The following NRTN variants were observed in gnomAD, a reference collection of about 807,000 sequenced individuals.
The protein encoded by NRTN is prepro-neurturin.
A neutral mutation model predicts 7.5 loss-of-function variants in NRTN; 3 were observed. The observed-to-expected ratio is 0.40, with a 90% confidence interval of 0.18 to 1.03. The LOEUF (loss-of-function observed/expected upper bound fraction) is 1.03. Ranked by LOEUF, NRTN falls within the 50% of genes least tolerant of loss-of-function variation. The pLI is 0.34. For missense variants in NRTN, 310 were observed against 307.0 expected (o/e 1.01, Z -0.07); for synonymous variants, 157 against 146.6 (o/e 1.07, Z -0.51).
rs2057057104 is a variant in NRTN, at chr19:5,828,241, G to A, written c.*68G>A. Reference sequence around the variant, plus strand: ...CGACGGCACCACTGGCCGGCCCCGCGAAAGACTGCGCGTGCGTAGAGCACG... The same window carrying A: ...CGACGGCACCACTGGCCGGCCCCGCAAAAGACTGCGCGTGCGTAGAGCACG... On this transcript the variant is annotated 3_prime_UTR_variant, in exon 3 of 3. Coordinates refer to ENST00000303212, the MANE Select transcript of NRTN (RefSeq NM_004558.5). 1 of 1,490,872 alleles carries A rather than the reference G, an allele frequency of 6.7e-7. No individual in the cohort carries two copies. The highest frequency in any genetic ancestry group is 1.2e-5 in the South Asian group (1 of 81,284). The allele number at this position is 1,490,872 out of a possible 1,614,324, so 92.4% of individuals were successfully genotyped here.
intron 1 of NRTN, among the ~76,000 whole-genome samples, chr19:5,821,464 G>A (rs1376789102): frequency 1.3e-5 from 2 of 151,652 alleles, no homozygotes; most frequent in African/African-American, 2.4e-5. Flanking sequence ...CACCACGCCC[G>A]GCTAATTTTT....
intron 1 of NRTN, among the ~76,000 whole-genome samples, 28 bp downstream of exon 1, chr19:5,805,479 G>T (rs2056972473): frequency 6.6e-6 from 1 of 151,720 alleles, no homozygotes; most frequent in South Asian, 2.1e-4. Flanking sequence ...GGGGCAGGTG[G>T]GGGGGCAGCA....
rs58321951 is a variant in NRTN at position 5,807,425 on chromosome 19, A to G, written c.-399+1974A>G. On this transcript the variant is annotated intron_variant, in intron 1 of 2. Transcript: ENST00000303212. The stretch of plus-strand genomic sequence containing the variant: ...TTGAGGCAGAGGCTCTGGGGCCTCA[A>G]GGTGGAGGTGGTGGCCGGGGGTTGG... Among the ~76,000 whole-genome samples the G allele has an allele frequency of 2.6e-3, 394 of 152,260 alleles. 4 individuals are homozygous for G. Among genetic ancestry groups the G allele is most frequent in the African/African-American group, 9.2e-3 (382 of 41,542 alleles).
intron 1 of NRTN, among the ~76,000 whole-genome samples, chr19:5,815,353 G>T (rs1411993450): frequency 6.6e-6 from 1 of 152,000 alleles, no homozygotes; most frequent in South Asian, 2.1e-4. Flanking sequence ...AAGTGTGTGT[G>T]TGTGTGTGCA....
intron 1 of NRTN, among the ~76,000 whole-genome samples, chr19:5,823,068 G>A (rs1315519960): frequency 8.7e-6 from 1 of 115,374 alleles, no homozygotes; most frequent in African/African-American, 3.0e-5. Context: ...AGGAAAGAAA[G>A]GAAGAGAAAA....
At chr19:5,823,489 C>A (rs181135656) in intron 1 of NRTN, among the ~76,000 whole-genome samples, 8 of 152,240 alleles carry the variant, frequency 5.3e-5, no homozygotes, top group Admixed American at 3.9e-4. Flanking sequence ...GTTCTCCATG[C>A]AAGGACCTAT....
intron 1 of NRTN, among the ~76,000 whole-genome samples, chr19:5,817,463 A>G (rs1446354172): frequency 1.5e-4 from 18 of 117,292 alleles, no homozygotes; most frequent in African/African-American, 2.3e-4. Context: ...GAAAGAGAGA[A>G]AGAGAGGAAG....
chr19:5,809,262 C>T (rs2056983023), intron 1 of NRTN, among the ~76,000 whole-genome samples: 1 of 151,612 alleles, frequency 6.6e-6, no homozygotes, highest in Non-Finnish European at 1.5e-5. Flanking sequence ...CCTCCACCTC[C>T]TGGACTCAAG....
intron 1 of NRTN, among the ~76,000 whole-genome samples, chr19:5,815,133 C>T (rs1259303677): frequency 2.0e-5 from 3 of 152,172 alleles, no homozygotes; most frequent in East Asian, 1.9e-4. Flanking sequence ...GCGTTGGTGG[C>T]GTGTTCACCT....
At chr19:5,817,457 GAGAGAA>G (rs980045850) in intron 1 of NRTN, among the ~76,000 whole-genome samples, 23 of 73,552 alleles carry the variant, frequency 3.1e-4, no homozygotes, top group African/African-American at 1.4e-3. Context: ...GGAAGGGAAA[GAGAGAA>G]AGAGAGGAAG....
chr19:5,813,360 C>CT (rs2056995956), intron 1 of NRTN, among the ~76,000 whole-genome samples: 1 of 151,288 alleles, frequency 6.6e-6, no homozygotes, highest in Non-Finnish European at 1.5e-5. Flanking sequence ...CATGGTGAAA[C>CT]CCTGTCTCTA....
intron 1 of NRTN, among the ~76,000 whole-genome samples, chr19:5,809,297 A>G (rs1028136652): frequency 1.3e-5 from 2 of 150,954 alleles, no homozygotes; most frequent in Non-Finnish European, 2.9e-5. Context: ...CAGCTTCCTG[A>G]GTAGCTGGGA....
At chr19:5,815,716 G>A (rs560222207) in intron 1 of NRTN, among the ~76,000 whole-genome samples, 24 of 150,034 alleles carry the variant, frequency 1.6e-4, no homozygotes, top group African/African-American at 5.4e-4. Flanking sequence ...GATTACAGAC[G>A]TGAGCCACCG....
intron 1 of NRTN, among the ~76,000 whole-genome samples, chr19:5,820,831 C>A (rs1220378328): frequency 6.6e-6 from 1 of 151,082 alleles, no homozygotes; most frequent in Non-Finnish European, 1.5e-5. Flanking sequence ...TTCTGCAAAA[C>A]CTCAAGAATG....
At chr19:5,826,113 C>T (rs893884734) in intron 2 of NRTN, among the ~76,000 whole-genome samples, 1 of 149,762 alleles carries the variant, frequency 6.7e-6, no homozygotes. Context: ...CCAGCCTGGG[C>T]GACAGAGCGA....
rs1439386243 is a variant in NRTN, at chr19:5,806,504, G to T, written c.-399+1053G>T. On this transcript the variant is annotated intron_variant, in intron 1 of 2. Coordinates refer to ENST00000303212, the MANE Select transcript of NRTN (RefSeq NM_004558.5). The surrounding 1 kb of genome is among the most constrained non-coding windows in gnomAD (Gnocchi z 5.4). ...CTTTGTCTGTCTCTGAGTGCCCCGG[G>T]CTGAGGAAGCCTGGGTGGGGTGTGA... 6.6e-6 allele frequency among the ~76,000 whole-genome samples: 1 copy of T among 152,084 alleles called. No individual in the cohort carries two copies. Among genetic ancestry groups the T allele is most frequent in the African/African-American group, 2.4e-5 (1 of 41,396 alleles).
intron 1 of NRTN, among the ~76,000 whole-genome samples, chr19:5,811,555 C>T (rs556284332): frequency 4.7e-4 from 71 of 152,240 alleles, no homozygotes; most frequent in Non-Finnish European, 9.4e-4. Context: ...TTATTAGAGA[C>T]GGAGTCTCGC....
Position 5,824,244 on chromosome 19 carries a change from C to G in NRTN, c.79C>G (p.Leu27Val). The G allele has an allele frequency of 6.2e-7, 1 of 1,612,364 alleles. No homozygotes were observed. Among genetic ancestry groups the G allele is most frequent in the South Asian group, 1.1e-5 (1 of 91,046 alleles). The change falls in exon 2 of 3, where the codon CTG becomes GTG. Residue 27 changes from leucine to valine, a missense_variant. Coordinates refer to ENST00000303212, the MANE Select transcript of NRTN (RefSeq NM_004558.5). Reference sequence around the variant, plus strand: ...GTCCATCTGGATGTGTCGAGAGGGCCTGCTTCTCAGCCACCGCCTCGGACC... The same window carrying G: ...GTCCATCTGGATGTGTCGAGAGGGCGTGCTTCTCAGCCACCGCCTCGGACC... ...VLSIWMCREG[L>V]LLSHRLGPAL...
chr19:5,824,422 CATAGGTTTTTTAAAG>C, intron 2 of NRTN, 88 bp downstream of exon 2: 1 of 1,493,936 alleles, frequency 6.7e-7, no homozygotes, highest in Non-Finnish European at 9.0e-7. Context: ...GGGGGGGTGT[CATAGGTTTTTTAAAG>C]ATAGGGCCAG....
Sources: allele counts gnomAD v4.1 joint callset (sites outside exome capture counted in the v4.1 genomes callset), GRCh38; gene constraint gnomAD v4.1.1; non-coding constraint Gnocchi (gnomAD v3.1); transcripts MANE v1.5; gene names NCBI Gene and HGNC (gene_info 2026-07-23, HGNC 2026-07-21).